SYNDIG1: variants seen among roughly 807,000 people sequenced by gnomAD.
The protein encoded by SYNDIG1 is synapse differentiation inducing 1.
In SYNDIG1, 9 loss-of-function variants were observed where a neutral mutation model predicts 19.4. That is an observed-to-expected ratio of 0.46 (90% confidence interval 0.28 to 0.81). The LOEUF is 0.81. Among genes scored for constraint, SYNDIG1 ranks in the 30% least tolerant of loss-of-function variants. SYNDIG1 has a pLI of 0.12. For synonymous variants in SYNDIG1, 141 were observed against 145.9 expected (o/e 0.97, Z 0.24); for missense variants, 311 against 343.3 (o/e 0.91, Z 0.74).
chr20:24,514,194 T>G (rs2056812843), intron 1 of SYNDIG1, among the ~76,000 whole-genome samples: 1 of 152,110 alleles, frequency 6.6e-6, no homozygotes, highest in Admixed American at 6.5e-5. Flanking sequence ...AGACCATTGA[T>G]GCTAGGAAGA....
chr20:24,580,354 G>T (rs779986126), intron 2 of SYNDIG1, among the ~76,000 whole-genome samples: 2 of 152,148 alleles, frequency 1.3e-5, no homozygotes, highest in Non-Finnish European at 2.9e-5. Context: ...GAGGAACAAA[G>T]AAAAGAGCTG....
At chr20:24,512,252 G>A (rs1034838174) in intron 1 of SYNDIG1, among the ~76,000 whole-genome samples, 3 of 150,238 alleles carry the variant, frequency 2.0e-5, no homozygotes, top group African/African-American at 4.9e-5. Flanking sequence ...TCCAACTGAG[G>A]TACTGGGTTC....
chr20:24,556,214 G>A (rs1464735338), intron 2 of SYNDIG1, among the ~76,000 whole-genome samples: 3 of 152,146 alleles, frequency 2.0e-5, no homozygotes, highest in Admixed American at 2.0e-4. Flanking sequence ...CACGTGAGAT[G>A]GGTTTCCTGA....
intron 1 of SYNDIG1, among the ~76,000 whole-genome samples, chr20:24,540,460 A>G (rs1368527943): frequency 6.6e-6 from 1 of 152,098 alleles, no homozygotes; most frequent in Non-Finnish European, 1.5e-5. Flanking sequence ...CTTGTTCTTG[A>G]TGTTACAGGT....
chr20:24,554,878 A>G (rs201935497), intron 2 of SYNDIG1, among the ~76,000 whole-genome samples: 9 of 151,552 alleles, frequency 5.9e-5, no homozygotes, highest in Admixed American at 1.3e-4. Flanking sequence ...CAGAAGGAAT[A>G]GTACCAGTTC....
At chr20:24,500,571 T>G (rs1254625519) in intron 1 of SYNDIG1, among the ~76,000 whole-genome samples, 1 of 151,598 alleles carries the variant, frequency 6.6e-6, no homozygotes, top group Non-Finnish European at 1.5e-5. Context: ...TCTCTCTCTC[T>G]TTCTTCTTTT....
chr20:24,630,336 G>A (rs550524106), intron 3 of SYNDIG1, among the ~76,000 whole-genome samples: 2 of 152,302 alleles, frequency 1.3e-5, no homozygotes, highest in South Asian at 2.1e-4. Context: ...TGATGTGAGG[G>A]TGAAATGCCC....
At chr20:24,631,688 C>T (rs151028501) in intron 3 of SYNDIG1, among the ~76,000 whole-genome samples, 8 of 152,214 alleles carry the variant, frequency 5.3e-5, no homozygotes, top group East Asian at 3.9e-4. Flanking sequence ...ACAAACATAT[C>T]GGAAAAATTT....
chr20:24,660,109 CA>C (rs899558730), intron 3 of SYNDIG1, among the ~76,000 whole-genome samples: 4 of 152,222 alleles, frequency 2.6e-5, no homozygotes, highest in Admixed American at 2.0e-4. Context: ...ATCTGGGTGT[CA>C]TGACGGCTTG....
chr20:24,635,437 A>G (rs915446562), intron 3 of SYNDIG1, among the ~76,000 whole-genome samples: 5 of 152,150 alleles, frequency 3.3e-5, no homozygotes, highest in African/African-American at 1.2e-4. Context: ...CCCGCCCGTG[A>G]TTCTAAAGAA....
intron 1 of SYNDIG1, among the ~76,000 whole-genome samples, chr20:24,482,988 A>G (rs1227059971): frequency 6.6e-6 from 1 of 152,212 alleles, no homozygotes; most frequent in Non-Finnish European, 1.5e-5. Flanking sequence ...CATTGGTATG[A>G]TTTGAATTCA....
At chr20:24,473,085 C>T (rs949943688) in intron 1 of SYNDIG1, among the ~76,000 whole-genome samples, 1 of 152,200 alleles carries the variant, frequency 6.6e-6, no homozygotes, top group Middle Eastern at 3.4e-3. Context: ...ACCGCTGTGG[C>T]CCATAGTTTG....
chr20:24,665,530 C>T lies in SYNDIG1; in HGVS notation c.*26C>T, dbSNP rs781752352. 6.8e-6 allele frequency: 11 copies of T among 1,613,630 alleles called. No individual in the cohort carries two copies. In the East Asian group the frequency reaches 2.5e-4, roughly 36 times the overall value. On this transcript the variant is annotated 3_prime_UTR_variant, in exon 4 of 4. Coordinates refer to ENST00000376862, the MANE Select transcript of SYNDIG1 (RefSeq NM_024893.3). Reference sequence around the variant, plus strand: ...GCTTCCTGCGAATGGAGGGGGAGCACCCGGGGCCAGGTCTGTGTGGACGTG... The same window carrying T: ...GCTTCCTGCGAATGGAGGGGGAGCATCCGGGGCCAGGTCTGTGTGGACGTG...
chr20:24,504,822 A>C (rs561607350), intron 1 of SYNDIG1, among the ~76,000 whole-genome samples: 1 of 152,218 alleles, frequency 6.6e-6, no homozygotes, highest in Non-Finnish European at 1.5e-5. Flanking sequence ...GAGCTGGGTC[A>C]CTGAAGAATT....
Position 24,561,664 on chromosome 20 carries a change from G to A in SYNDIG1, c.480+18087G>A, listed in dbSNP as rs1600632625. On this transcript the variant is annotated intron_variant, in intron 2 of 3. Coordinates refer to ENST00000376862, the MANE Select transcript of SYNDIG1 (RefSeq NM_024893.3). ...TGGCTGCTGGTCAGTTTGAGAGCCT[G>A]GCTATGGCTGTGTTTGTCAGTTTTG... Among the ~76,000 whole-genome samples, 8 of 152,164 alleles carry A rather than the reference G, an allele frequency of 5.3e-5. 1 individual carries two copies. Among genetic ancestry groups the A allele is most frequent in the Admixed American group, 5.2e-4 (8 of 15,264 alleles).
chr20:24,538,032 G>A (rs2057396035), intron 1 of SYNDIG1, among the ~76,000 whole-genome samples: 1 of 152,046 alleles, frequency 6.6e-6, no homozygotes, highest in African/African-American at 2.4e-5. Context: ...AAATACTTTA[G>A]CATGAATCTC....
chr20:24,648,983 T>C (rs947269993), intron 3 of SYNDIG1, among the ~76,000 whole-genome samples: 4 of 152,210 alleles, frequency 2.6e-5, no homozygotes, highest in African/African-American at 9.6e-5. Context: ...TGTTAAGTGT[T>C]GAAAAAAGGT....
intron 1 of SYNDIG1, among the ~76,000 whole-genome samples, chr20:24,542,619 T>C (rs2057489534): frequency 6.6e-6 from 1 of 152,238 alleles, no homozygotes; most frequent in Non-Finnish European, 1.5e-5. Flanking sequence ...TGAACAGCCA[T>C]GTACCTGGGA....
chr20:24,557,173 T>G (rs1320520863), intron 2 of SYNDIG1, among the ~76,000 whole-genome samples: 1 of 152,224 alleles, frequency 6.6e-6, no homozygotes, highest in East Asian at 1.9e-4. Context: ...CTTTAAGGAC[T>G]TCTCTGCATT....
Sources: allele counts gnomAD v4.1 joint callset (sites outside exome capture counted in the v4.1 genomes callset), GRCh38; gene constraint gnomAD v4.1.1; transcripts MANE v1.5; gene names NCBI Gene and HGNC (gene_info 2026-07-23, HGNC 2026-07-21).